The following CLMN variants were observed in gnomAD, a reference collection of about 807,000 sequenced individuals.
CLMN encodes calmin.
CLMN carries 57 observed loss-of-function variants against 92.7 expected under a neutral mutation model. The ratio of observed to expected loss-of-function variants is 0.61; its 90% CI spans 0.50 to 0.77. CLMN has a LOEUF of 0.77. CLMN is among the 30% of genes least tolerant of loss of function. The probability of loss-of-function intolerance (pLI) is 0.00; values close to 1 mark genes in which losing one functional copy is unlikely to be tolerated. For synonymous variants in CLMN, 466 were observed against 470.6 expected (o/e 0.99, Z 0.13); for missense variants, 1,158 against 1,237.5 (o/e 0.94, Z 0.96).
chr14:95,298,195 A>T (rs556445491), intron 1 of CLMN, among the ~76,000 whole-genome samples: 69 of 152,062 alleles, frequency 4.5e-4, no homozygotes, highest in Non-Finnish European at 7.4e-5. Flanking sequence ...TCCTGCCTGC[A>T]GTCCTCTCCC....
Position 95,221,609 on chromosome 14 carries a change from T to A in CLMN, c.324+82A>T, listed in dbSNP as rs999317565. 6.5e-6 allele frequency: 8 copies of A among 1,237,602 alleles called. No individual in the cohort carries two copies. The East Asian group carries it at 1.9e-4, about 29-fold the overall frequency. 76.7% of individuals were successfully genotyped at this position (1,237,602 alleles called of 1,614,324 possible). A position where few individuals can be genotyped will look rare whatever the true frequency, so the allele number is the denominator to read the frequency against. The stretch of plus-strand genomic sequence containing the variant: ...CTCAGTCCCCGTCTCACGCTTCTCT[T>A]GCGACCAGCACTGAACTTCAAATGA... On this transcript the variant is annotated intron_variant, in intron 4 of 12. Coordinates refer to ENST00000298912, the MANE Select transcript of CLMN (RefSeq NM_024734.4).
In CLMN at chr14:95,209,062, AGTT is replaced by A. The variant is rs149541459; in HGVS notation, c.885+330_885+332del. On this transcript the variant is annotated intron_variant, in intron 8 of 12. Coordinates refer to ENST00000298912, the MANE Select transcript of CLMN (RefSeq NM_024734.4). ...GTTATAATTGTTCTATGTAACTATT[AGTT>A]GTTGTTAATCTCTTTCTGTGCCTAA... Among the ~76,000 whole-genome samples, 6 of 152,340 alleles carry A rather than the reference AGTT, an allele frequency of 3.9e-5. No homozygotes were observed. In the East Asian group the frequency reaches 9.6e-4, roughly 24 times the overall value.
chr14:95,275,584 T>A (rs187751885), intron 1 of CLMN, among the ~76,000 whole-genome samples: 3 of 152,328 alleles, frequency 2.0e-5, no homozygotes, highest in African/African-American at 7.2e-5. Flanking sequence ...TTCTTTAGCA[T>A]ATAATCAAGA....
Position 95,204,074 on chromosome 14 carries a change from TG to T in CLMN, c.1274del (p.Thr425LysfsTer33). The T allele has an allele frequency of 6.2e-7, 1 of 1,614,210 alleles. No individual in the cohort carries two copies. The highest frequency in any genetic ancestry group is 8.5e-7 in the Non-Finnish European group (1 of 1,180,036). ...GRSNSLPIKK[T>X]VHFEADTYKD... Reference sequence around the variant, plus strand: ...TGTAGGTGTCAGCCTCAAAGTGAACTGTTTTCTTGATCGGCAAAGAGTTGGA... The same window carrying T: ...TGTAGGTGTCAGCCTCAAAGTGAACTTTTTCTTGATCGGCAAAGAGTTGGA... On this transcript the variant is annotated frameshift_variant, in exon 9 of 13. Coordinates refer to ENST00000298912, the MANE Select transcript of CLMN (RefSeq NM_024734.4). LOFTEE classifies it high-confidence loss of function.
chr14:95,281,769 C>G (rs1391762831), intron 1 of CLMN, among the ~76,000 whole-genome samples: 1 of 152,164 alleles, frequency 6.6e-6, no homozygotes, highest in Non-Finnish European at 1.5e-5. Context: ...CTGTTGTACT[C>G]CTCGTGTAGA....
chr14:95,236,317 C>T (rs1481009801), intron 1 of CLMN, among the ~76,000 whole-genome samples: 2 of 152,184 alleles, frequency 1.3e-5, no homozygotes, highest in Non-Finnish European at 2.9e-5. Flanking sequence ...TCTCAATGCT[C>T]CAAACCCCCC....
intron 1 of CLMN, among the ~76,000 whole-genome samples, chr14:95,291,857 G>T (rs1231146336): frequency 6.6e-6 from 1 of 152,192 alleles, no homozygotes; most frequent in Non-Finnish European, 1.5e-5. Context: ...CCCCAAAAAT[G>T]CTGGTTACCC....
chr14:95,210,610 A>G (rs1272756106), intron 7 of CLMN, 76 bp downstream of exon 7: 2 of 1,475,536 alleles, frequency 1.4e-6, no homozygotes, highest in African/African-American at 2.9e-5. Context: ...TGTATTTTCC[A>G]GATTTTCCAC....
chr14:95,315,546 T>C (rs1292694146), intron 1 of CLMN, among the ~76,000 whole-genome samples: 1 of 152,194 alleles, frequency 6.6e-6, no homozygotes, highest in African/African-American at 2.4e-5. Context: ...AAGGAGAAAG[T>C]GGGCCACATG....
intron 1 of CLMN, among the ~76,000 whole-genome samples, chr14:95,245,190 ATATAATATATATATATATT>A (rs1898430595): frequency 2.7e-5 from 1 of 37,490 alleles, no homozygotes; most frequent in African/African-American, 1.3e-4. Flanking sequence ...ATATATATAT[ATATAATATATATATATATT>A]ATATATATAT....
chr14:95,245,246 A>ATTTAT (rs1898484955), intron 1 of CLMN, among the ~76,000 whole-genome samples: 1 of 37,050 alleles, frequency 2.7e-5, no homozygotes, highest in Non-Finnish European at 4.1e-5. Flanking sequence ...TATTATATAT[A>ATTTAT]TATATATAAT....
rs986107348 is a variant in CLMN at position 95,183,051 on chromosome 14, A to G, written c.*8513T>C. The G allele has an allele frequency of 6.6e-6, 1 of 152,262 alleles. No individual in the cohort carries two copies. The highest frequency in any genetic ancestry group is 1.9e-4 in the East Asian group (1 of 5,206). 9.4% of individuals were successfully genotyped at this position (152,262 alleles called of 1,614,324 possible). On this transcript the variant is annotated 3_prime_UTR_variant, in exon 13 of 13. Coordinates refer to ENST00000298912, the MANE Select transcript of CLMN (RefSeq NM_024734.4). The stretch of plus-strand genomic sequence containing the variant: ...GCAAATAGGCCACTTATTGAGATAA[A>G]TAAAAACTACCTTCGTAACCTTTGG...
chr14:95,220,075 G>A lies in CLMN; in HGVS notation c.324+1616C>T, dbSNP rs144056750. Among the ~76,000 whole-genome samples, 297 of 151,226 alleles carry A rather than the reference G, an allele frequency of 2.0e-3. 1 individual carries two copies. The highest frequency in any genetic ancestry group is 6.8e-3 in the African/African-American group (281 of 41,100). ...ATATAATAAGTGGTCCTTTGCGTCT[G>A]GCTTCTCTCACTTAGCATGTTGTCA... On this transcript the variant is annotated intron_variant, in intron 4 of 12. Coordinates refer to ENST00000298912, the MANE Select transcript of CLMN (RefSeq NM_024734.4).
In CLMN at chr14:95,203,177, G is replaced by A. The variant is rs199659667; in HGVS notation, c.2172C>T (p.His724=). 1.4e-5 allele frequency: 22 copies of A among 1,613,004 alleles called. No homozygotes were observed. The highest frequency in any genetic ancestry group is 1.3e-4 in the East Asian group (6 of 44,866). The change falls in exon 9 of 13, where the codon CAC becomes CAT. Residue 724 remains histidine, a synonymous_variant. Coordinates refer to ENST00000298912, the MANE Select transcript of CLMN (RefSeq NM_024734.4). ...PPLSKVSVIP[H]DLFYFPHYEV... is the part of the protein sequence containing the mutation. Reference sequence around the variant, plus strand: ...CATAGTGTGGGAAATAGAAGAGGTCGTGGGGAATGACGGAAACCTTTGAGA... The same window carrying A: ...CATAGTGTGGGAAATAGAAGAGGTCATGGGGAATGACGGAAACCTTTGAGA...
chr14:95,268,432 A>T (rs189211877), intron 1 of CLMN, among the ~76,000 whole-genome samples: 1 of 152,008 alleles, frequency 6.6e-6, no homozygotes, highest in Non-Finnish European at 1.5e-5. Flanking sequence ...TCTTACTGAT[A>T]CAACATTCTT....
chr14:95,204,259 G>C lies in CLMN; in HGVS notation c.1090C>G (p.Leu364Val). 1 of 1,614,114 alleles carries C rather than the reference G, an allele frequency of 6.2e-7. No individual in the cohort carries two copies. Among genetic ancestry groups the C allele is most frequent in the Middle Eastern group, 1.6e-4 (1 of 6,062 alleles). ...AGCGCATGGCTGGAAACACCATCCA[G>C]GCGGAATTCCTTCATGCTCTCGGGC... ...DKPESMKEFR[L>V]DGVSSHALSD... The change falls in exon 9 of 13, where the codon CTG becomes GTG. Residue 364 changes from leucine to valine, a missense_variant. Coordinates refer to ENST00000298912, the MANE Select transcript of CLMN (RefSeq NM_024734.4).
chr14:95,285,440 G>A (rs780800618), intron 1 of CLMN, among the ~76,000 whole-genome samples: 2 of 152,192 alleles, frequency 1.3e-5, no homozygotes, highest in Non-Finnish European at 2.9e-5. Context: ...AAATTTAAAT[G>A]TGTGTGGGAG....
chr14:95,316,079 G>A (rs564742417), intron 1 of CLMN, among the ~76,000 whole-genome samples: 2 of 152,294 alleles, frequency 1.3e-5, no homozygotes, highest in East Asian at 3.9e-4. Flanking sequence ...AGAGGGAGAG[G>A]GGGCAGCCAG....
At chr14:95,233,881 G>C (rs1035380572) in intron 1 of CLMN, among the ~76,000 whole-genome samples, 1 of 152,218 alleles carries the variant, frequency 6.6e-6, no homozygotes. Flanking sequence ...GCACAAATCA[G>C]CTTCAACAGC....
Sources: gnomAD v4.1 joint callset for allele counts (sites outside exome capture counted in the v4.1 genomes callset) on GRCh38, gnomAD v4.1.1 for gene constraint, MANE v1.5 for transcripts, NCBI Gene and HGNC (gene_info 2026-07-23, HGNC 2026-07-21) for gene names.